The following LRCH1 variants were observed in gnomAD, a reference collection of about 807,000 sequenced individuals.
LRCH1 encodes the protein leucine-rich repeat and calponin homology domain-containing protein 1.
A neutral mutation model predicts 94.9 loss-of-function variants in LRCH1; 23 were observed. That is an observed-to-expected ratio of 0.24 (90% CI 0.17 to 0.34). The LOEUF (loss-of-function observed/expected upper bound fraction) is 0.34, where lower values mean the gene tolerates loss of function less well. LRCH1 is among the 10% of genes least tolerant of loss of function. The pLI is 1.00. For synonymous variants in LRCH1, 364 were observed against 354.9 expected (o/e 1.03, Z -0.29); for missense variants, 790 against 945.9 (o/e 0.84, Z 2.16).
chr13:46,561,894 C>T (rs894342036), intron 1 of LRCH1, among the ~76,000 whole-genome samples: 1 of 152,178 alleles, frequency 6.6e-6, no homozygotes, highest in Non-Finnish European at 1.5e-5. Flanking sequence ...TCATACATGA[C>T]CTTAAGCCAT....
At chr13:46,655,956 G>A (rs1263986303) in intron 2 of LRCH1, among the ~76,000 whole-genome samples, 3 of 152,178 alleles carry the variant, frequency 2.0e-5, no homozygotes, top group African/African-American at 4.8e-5. Flanking sequence ...AGTGGGTTCC[G>A]AAGCATTGCC....
chr13:46,729,929 G>A (rs978399950), intron 18 of LRCH1, among the ~76,000 whole-genome samples: 1 of 152,210 alleles, frequency 6.6e-6, no homozygotes, highest in East Asian at 1.9e-4. Context: ...TCCTTAATGC[G>A]CCCCCAGATC....
chr13:46,670,099 G>GT (rs1311271736), intron 3 of LRCH1, among the ~76,000 whole-genome samples: 9 of 152,226 alleles, frequency 5.9e-5, no homozygotes, highest in Non-Finnish European at 1.2e-4. Flanking sequence ...TAGTGGGATT[G>GT]GGCTAGGAGA....
chr13:46,721,613 A>G (rs577976076), intron 16 of LRCH1, among the ~76,000 whole-genome samples: 77 of 152,100 alleles, frequency 5.1e-4, no homozygotes, highest in Non-Finnish European at 4.6e-4. Context: ...TACTTTTTAA[A>G]CAATTGGTTC....
chr13:46,604,899 G>A (rs2050670969), intron 1 of LRCH1, among the ~76,000 whole-genome samples: 1 of 152,176 alleles, frequency 6.6e-6, no homozygotes, highest in Admixed American at 6.5e-5. Context: ...AGAAACTGGG[G>A]CATCGGAGAA....
chr13:46,747,483 A>G (rs901253331), downstream of LRCH1, among the ~76,000 whole-genome samples: 4 of 152,380 alleles, frequency 2.6e-5, no homozygotes, highest in Middle Eastern at 3.4e-3. Flanking sequence ...GACACAGGAT[A>G]GGACACCTTG....
exon 19 of LRCH1, chr13:46,750,583 T>G (rs1215429435): frequency 6.4e-7 from 1 of 1,552,140 alleles, no homozygotes. Flanking sequence ...GAAAAAGGCC[T>G]GGTCAAAGTG....
chr13:46,560,807 A>T, intron 1 of LRCH1, among the ~76,000 whole-genome samples: 1 of 152,248 alleles, frequency 6.6e-6, no homozygotes, highest in East Asian at 1.9e-4. Flanking sequence ...CAAACATGAA[A>T]TATGCCTGTG....
At chr13:46,612,404 T>C (rs1396845569) in intron 1 of LRCH1, among the ~76,000 whole-genome samples, 4 of 152,234 alleles carry the variant, frequency 2.6e-5, no homozygotes, top group African/African-American at 4.8e-5. Context: ...TCCTCTTTTG[T>C]AGTTTTAAAT....
chr13:46,653,822 A>AAAAT (rs913517299), intron 2 of LRCH1, among the ~76,000 whole-genome samples: 5 of 152,106 alleles, frequency 3.3e-5, no homozygotes, highest in East Asian at 1.9e-4. Context: ...ACCCTGTCTC[A>AAAAT]AAAGAAAGAA....
chr13:46,715,101 T>C (rs1004219642), intron 15 of LRCH1, among the ~76,000 whole-genome samples: 2 of 152,244 alleles, frequency 1.3e-5, no homozygotes, highest in African/African-American at 4.8e-5. Flanking sequence ...TTCTAAATAA[T>C]AGATATATTT....
intron 1 of LRCH1, among the ~76,000 whole-genome samples, chr13:46,616,678 T>C (rs2050812711): frequency 6.6e-6 from 1 of 152,266 alleles, no homozygotes; most frequent in Non-Finnish European, 1.5e-5. Flanking sequence ...ATTTTTTCTA[T>C]GTGCCTTTTA....
chr13:46,728,699 TTAAA>T, intron 17 of LRCH1, 144 bp from the exon 18 acceptor site: 1 of 740,454 alleles, frequency 1.4e-6, no homozygotes, highest in South Asian at 3.3e-5. Context: ...TTGGAAAGAG[TTAAA>T]TAATGTCAGT....
intron 16 of LRCH1, among the ~76,000 whole-genome samples, chr13:46,722,261 A>G (rs1235092022): frequency 2.0e-5 from 3 of 152,050 alleles, no homozygotes. Context: ...TTTCTGAGGG[A>G]CTTTCCCTCC....
intron 3 of LRCH1, among the ~76,000 whole-genome samples, chr13:46,677,018 G>A (rs575053047): frequency 1.3e-5 from 2 of 152,042 alleles, no homozygotes; most frequent in Admixed American, 6.5e-5. Flanking sequence ...GAGCTCAAGC[G>A]ATCTGCCCAC....
At chr13:46,605,507 A>ACTCCTCCTCCTC (rs372999128) in intron 1 of LRCH1, among the ~76,000 whole-genome samples, 4 of 146,782 alleles carry the variant, frequency 2.7e-5, no homozygotes, top group Non-Finnish European at 6.0e-5. Context: ...AGATGAGGGC[A>ACTCCTCCTCCTC]CTCCTCCTCC....
At chr13:46,605,228 C>G (rs191950565) in intron 1 of LRCH1, among the ~76,000 whole-genome samples, 6 of 152,320 alleles carry the variant, frequency 3.9e-5, no homozygotes, top group African/African-American at 1.4e-4. Flanking sequence ...GGAATTATCT[C>G]TGAGTCCTTT....
At chr13:46,745,369 G>T (rs553279548), downstream of LRCH1, among the ~76,000 whole-genome samples, 2 of 151,972 alleles carry the variant, frequency 1.3e-5, no homozygotes, top group Non-Finnish European at 2.9e-5. Context: ...TGGTGGAACG[G>T]GTACAGGATT....
intron 1 of LRCH1, among the ~76,000 whole-genome samples, chr13:46,564,714 A>C (rs762390237): frequency 7.2e-5 from 11 of 152,202 alleles, no homozygotes; most frequent in Non-Finnish European, 1.6e-4. Flanking sequence ...TTATCTCCCC[A>C]ACTTACTAAT....
Sources: allele counts gnomAD v4.1 joint callset (sites outside exome capture counted in the v4.1 genomes callset), GRCh38; gene constraint gnomAD v4.1.1; transcripts MANE v1.5; gene names NCBI Gene and HGNC (gene_info 2026-07-23, HGNC 2026-07-21).